Variants in ABCB7 observed in about 807,000 individuals in gnomAD.
ABCB7 encodes iron-sulfur clusters transporter ABCB7, mitochondrial.
In ABCB7, 7 loss-of-function variants were observed where a neutral mutation model predicts 54.4. That is an observed-to-expected ratio of 0.13 (90% confidence interval 0.07 to 0.24). The LOEUF (loss-of-function observed/expected upper bound fraction) is 0.24. Ranked by LOEUF, ABCB7 falls within the 10% of genes least tolerant of loss-of-function variation. The probability of loss-of-function intolerance (pLI) is 1.00; values close to 1 mark genes in which losing one functional copy is unlikely to be tolerated. For missense variants in ABCB7, 356 were observed against 570.4 expected (o/e 0.62, Z 3.83); for synonymous variants, 218 against 207.1 (o/e 1.05, Z -0.45).
intron 1 of ABCB7, among the ~76,000 whole-genome samples, chrX:75,118,042 T>C (rs1330832981): frequency 3.6e-5 from 4 of 112,646 alleles, no homozygotes. Context: ...CTTTGTGCTA[T>C]GAATTTGTCT....
At chrX:75,074,361 G>T (rs913497165) in intron 6 of ABCB7, among the ~76,000 whole-genome samples, 1 of 111,836 alleles carries the variant, frequency 8.9e-6, no homozygotes, top group Non-Finnish European at 1.9e-5. Context: ...AACAGATGTT[G>T]TCAAGGTTGC....
intron 3 of ABCB7, among the ~76,000 whole-genome samples, chrX:75,107,160 G>A (rs1293892219): frequency 9.0e-6 from 1 of 111,260 alleles, no homozygotes; most frequent in Non-Finnish European, 1.9e-5. Context: ...GATGCCCGTC[G>A]GCAGAGGAAG....
intron 1 of ABCB7, among the ~76,000 whole-genome samples, chrX:75,154,938 C>T (rs181072542): frequency 5.3e-5 from 6 of 112,417 alleles, no homozygotes; most frequent in Non-Finnish European, 7.5e-5. Context: ...CTTCCACATG[C>T]TTAGTGTCAT....
intron 4 of ABCB7, among the ~76,000 whole-genome samples, chrX:75,094,390 T>C (rs950677127): frequency 1.8e-5 from 2 of 111,624 alleles, no homozygotes; most frequent in Non-Finnish European, 3.8e-5. Flanking sequence ...AATCCTGGCA[T>C]GGTTGTATGT....
At chrX:75,070,094 G>A (rs748950249) in intron 10 of ABCB7, among the ~76,000 whole-genome samples, 5 of 110,250 alleles carry the variant, frequency 4.5e-5, no homozygotes, top group South Asian at 7.8e-4. Flanking sequence ...GGCTGGTCTC[G>A]AACTCTTGAT....
At chrX:75,126,589 T>C (rs1347455262) in intron 1 of ABCB7, among the ~76,000 whole-genome samples, 5 of 107,341 alleles carry the variant, frequency 4.7e-5, no homozygotes, top group Non-Finnish European at 7.8e-5. Flanking sequence ...ACAGGAAAAA[T>C]GCTTCAAAAA....
Position 75,098,982 on chromosome X carries a change from G to C in ABCB7, c.413C>G (p.Ala138Gly). The C allele has an allele frequency of 1.7e-6, 2 of 1,211,355 alleles. No individual in the cohort carries two copies. The highest frequency in any genetic ancestry group is 2.2e-6 in the Non-Finnish European group (2 of 895,255). Residue 138 changes from alanine to glycine, a missense_variant, in exon 4 of 16, where the codon GCT (alanine) becomes GGT (glycine). By Grantham distance (60) the Ala-to-Gly change is moderately conservative. This residue lies in a region of ABCB7 where 241 missense variants were observed against 470.9 expected (regional missense o/e 0.51). Coordinates refer to ENST00000373394, the MANE Select transcript of ABCB7 (RefSeq NM_001271696.3). Reference protein sequence around the residue: ...VWPKDRPDLRARVAISLGFLG... With the variant: ...VWPKDRPDLRGRVAISLGFLG... ...AAATCCCAGCGAAATGGCAACTCTA[G>C]CTCGTAGATCTGGCCTGTCTTTGGG... is the stretch of plus-strand genomic sequence containing the variant.
At chrX:75,087,049 G>T (rs2081503484) in intron 4 of ABCB7, among the ~76,000 whole-genome samples, 1 of 111,645 alleles carries the variant, frequency 9.0e-6, no homozygotes, top group African/African-American at 3.3e-5. Flanking sequence ...GGAAATTCAT[G>T]AATAACCCAC....
In ABCB7 at chrX:75,094,042, ATATATATATATCTATC is replaced by A. The variant is rs1458628752; in HGVS notation, c.453+4884_453+4899del. Reference sequence around the variant, plus strand: ...TACATATATATATATATATATATATATATATATATATCTATCTTATTATTTGTTAGTCACTCAATAA... The same window carrying A: ...TACATATATATATATATATATATATATTATTATTTGTTAGTCACTCAATAA... On this transcript the variant is annotated intron_variant, in intron 4 of 15. Coordinates refer to ENST00000373394, the MANE Select transcript of ABCB7 (RefSeq NM_001271696.3). Among the ~76,000 whole-genome samples, 4 of 21,897 alleles carry A rather than the reference ATATATATATATCTATC, an allele frequency of 1.8e-4. No individual in the cohort carries two copies. In the Non-Finnish European group the frequency reaches 3.3e-3, roughly 18 times the overall value. The allele number at this position is 21,897 out of a possible 115,157, so 19.0% of individuals were successfully genotyped here.
chrX:75,073,924 T>A lies in ABCB7; in HGVS notation c.888A>T (p.Val296=). The A allele has an allele frequency of 8.3e-7, 1 of 1,210,330 alleles. No individual in the cohort carries two copies. The highest frequency in any genetic ancestry group is 1.7e-5 in the African/African-American group (1 of 57,879). Residue 296 remains valine (V), a synonymous_variant, in exon 7 of 16, where the codon GTA becomes GTT. Transcript: ENST00000373394. ...YYKCGAQFAL[V]TLGTLGTYTA... ...TGTATGTACCAAGTGTTCCAAGGGT[T>A]ACCAAAGCAAACTGGGCACCGCATT...
chrX:75,125,726 T>C (rs1384613944), intron 1 of ABCB7, among the ~76,000 whole-genome samples: 1 of 111,273 alleles, frequency 9.0e-6, no homozygotes, highest in Non-Finnish European at 1.9e-5. Flanking sequence ...AACAGAGGCA[T>C]GATACAGAAT....
At chrX:75,143,422 G>A (rs1453652102) in intron 1 of ABCB7, among the ~76,000 whole-genome samples, 3 of 111,359 alleles carry the variant, frequency 2.7e-5, no homozygotes, top group East Asian at 2.8e-4. Flanking sequence ...AACAAGTCTC[G>A]AGGGAGTTCC....
chrX:75,080,506 T>C (rs1288480046), intron 4 of ABCB7, among the ~76,000 whole-genome samples: 2 of 111,013 alleles, frequency 1.8e-5, no homozygotes, highest in Admixed American at 9.6e-5. Flanking sequence ...GGTTTCACCA[T>C]GTTGGCCAGG....
chrX:75,124,427 T>C (rs762827014), intron 1 of ABCB7, among the ~76,000 whole-genome samples: 1 of 112,256 alleles, frequency 8.9e-6, no homozygotes, highest in African/African-American at 3.2e-5. Flanking sequence ...AATAGGTTCA[T>C]TTATCATAAC....
At chrX:75,069,622 C>T (rs988823999) in intron 10 of ABCB7, among the ~76,000 whole-genome samples, 168 bp from the exon 11 acceptor site, 1 of 111,101 alleles carries the variant, frequency 9.0e-6, no homozygotes, top group Non-Finnish European at 1.9e-5. Flanking sequence ...TTTTCTCACG[C>T]TTCATGGCTA....
intron 4 of ABCB7, among the ~76,000 whole-genome samples, chrX:75,086,797 G>T (rs1015451471): frequency 9.0e-6 from 1 of 111,411 alleles, no homozygotes; most frequent in Admixed American, 9.5e-5. Flanking sequence ...AAACAAACAG[G>T]ATCTGAGAAA....
chrX:75,090,245 C>T (rs1231425608), intron 4 of ABCB7, among the ~76,000 whole-genome samples: 2 of 109,279 alleles, frequency 1.8e-5, no homozygotes, highest in Admixed American at 1.9e-4. Flanking sequence ...AGATAAATGA[C>T]ACCCTGGGCC....
chrX:75,156,135 G>A lies in ABCB7; in HGVS notation c.138C>T (p.Leu46=). Residue 46 remains leucine (L), a synonymous_variant, in exon 1 of 16, where the codon CTC becomes CTT. Transcript: ENST00000373394. ...GSGPQWRPHQ[L]GALGTARAYQ... ...AGGCTCGAGCGGTTCCCAAGGCGCC[G>A]AGTTGATGTGGCCTCCACTGCGGAC... 1 of 1,209,504 alleles carries A rather than the reference G, an allele frequency of 8.3e-7. No homozygotes were observed. Among genetic ancestry groups the A allele is most frequent in the South Asian group, 1.8e-5 (1 of 56,339 alleles).
intron 1 of ABCB7, among the ~76,000 whole-genome samples, chrX:75,144,202 C>T (rs1010448526): frequency 1.8e-5 from 2 of 111,405 alleles, no homozygotes; most frequent in African/African-American, 6.5e-5. Context: ...AGAATCACAG[C>T]CCTAAAACAA....
Sources: gnomAD v4.1 joint callset for allele counts (sites outside exome capture counted in the v4.1 genomes callset) on GRCh38, gnomAD v4.1.1 for gene constraint, gnomAD v4.1.1 regional missense constraint, MANE v1.5 for transcripts, NCBI Gene and HGNC (gene_info 2026-07-23, HGNC 2026-07-21) for gene names.